The following GRIA2 variants were observed in gnomAD, a reference collection of about 807,000 sequenced individuals.
GRIA2 encodes glutamate receptor 2.
GRIA2 carries 14 observed loss-of-function variants against 97.3 expected under a neutral mutation model. The observed-to-expected ratio is 0.14, with a 90% CI of 0.10 to 0.23. The LOEUF (loss-of-function observed/expected upper bound fraction) is 0.23, where lower values mean the gene tolerates loss of function less well. Among genes scored for constraint, GRIA2 ranks in the 10% least tolerant of loss-of-function variants. The pLI, the probability that GRIA2 is intolerant of heterozygous loss-of-function variation, is 1.00. For missense variants in GRIA2, 558 were observed against 1,069.8 expected (o/e 0.52, Z 6.67); for synonymous variants, 412 against 387.8 (o/e 1.06, Z -0.73).
intron 12 of GRIA2, among the ~76,000 whole-genome samples, chr4:157,350,389 A>G (rs776861324): frequency 6.6e-6 from 1 of 152,024 alleles, no homozygotes; most frequent in Non-Finnish European, 1.5e-5. Flanking sequence ...GATTTGATCT[A>G]CTTATAGAAG....
In GRIA2 at chr4:157,334,002, T is replaced by A; in HGVS notation, c.1156-8T>A. The A allele has an allele frequency of 7.0e-7, 1 of 1,430,208 alleles. No homozygotes were observed. Among genetic ancestry groups the A allele is most frequent in the Non-Finnish European group, 9.9e-7 (1 of 1,012,902 alleles). 88.6% of individuals were successfully genotyped at this position (1,430,208 alleles called of 1,614,324 possible). On this transcript the variant is annotated splice_polypyrimidine_tract_variant and splice_region_variant and intron_variant, in intron 8 of 15. Transcript: ENST00000264426. ...ATCCATACACCTGTCTGCTGTAACCTTTTCCAGATTGGCTACTGGAGTGAA... is the reference window on the plus strand; with the variant it reads ...ATCCATACACCTGTCTGCTGTAACCATTTCCAGATTGGCTACTGGAGTGAA...
Position 157,361,451 on chromosome 4 carries a change from C to A in GRIA2, c.2406+327C>A. 1 of 1,038,500 alleles carries A rather than the reference C, an allele frequency of 9.6e-7. No homozygotes were observed. The highest frequency in any genetic ancestry group is 1.5e-6 in the Non-Finnish European group (1 of 681,894). 64.3% of individuals were successfully genotyped at this position (1,038,500 alleles called of 1,614,324 possible). On this transcript the variant is annotated intron_variant, in intron 14 of 15. Coordinates refer to ENST00000264426, the MANE Select transcript of GRIA2 (RefSeq NM_001083619.3). The surrounding 1 kb of genome is among the most constrained non-coding windows in gnomAD (Gnocchi z 5.2). ...CCAAATGGCGCATCAATGACTATCG[C>A]TCTTACAAAGCTCTTGAATCAGTAT...
At chr4:157,301,876 T>C (rs1283705738) in intron 2 of GRIA2, among the ~76,000 whole-genome samples, 2 of 152,030 alleles carry the variant, frequency 1.3e-5, no homozygotes, top group African/African-American at 2.4e-5. Context: ...TATTTATCTA[T>C]TTAAAGCCAC....
At chr4:157,342,178 A>T in intron 12 of GRIA2, 3 of 951,188 alleles carry the variant, frequency 3.2e-6, no homozygotes, top group Non-Finnish European at 3.8e-6. Context: ...TCTGAAGCCA[A>T]TATATGTGAC....
chr4:157,328,370 T>C (rs1006629098), intron 6 of GRIA2, among the ~76,000 whole-genome samples: 2 of 152,192 alleles, frequency 1.3e-5, no homozygotes, highest in South Asian at 2.1e-4. Flanking sequence ...ACATCTCAAG[T>C]GGTGCCTCTG....
intron 2 of GRIA2, among the ~76,000 whole-genome samples, chr4:157,286,224 T>C (rs1032220574): frequency 6.6e-6 from 1 of 151,552 alleles, no homozygotes; most frequent in African/African-American, 2.4e-5. Context: ...ACAGCTGTTA[T>C]TCCCAGTAAT....
chr4:157,301,117 C>A (rs1189868572), intron 2 of GRIA2, among the ~76,000 whole-genome samples: 1 of 151,934 alleles, frequency 6.6e-6, no homozygotes, highest in African/African-American at 2.4e-5. Context: ...TTAAATAGAC[C>A]CAGAGAGAAT....
In GRIA2 at chr4:157,293,890, T is replaced by C. The variant is rs778130095; in HGVS notation, c.230-9662T>C. ...TCAAGGGTGTGTGAGTCCATTATGC[T>C]AAAGATAATCCCTCCAATTCCTTGG... On this transcript the variant is annotated intron_variant, in intron 2 of 15. Transcript: ENST00000264426. Among the ~76,000 whole-genome samples the C allele has an allele frequency of 4.3e-4, 66 of 152,246 alleles. 1 individual carries two copies. The highest frequency in any genetic ancestry group is 9.4e-4 in the Non-Finnish European group (64 of 68,026).
At chr4:157,261,530 A>G (rs2126768814) in intron 2 of GRIA2, among the ~76,000 whole-genome samples, 1 of 152,288 alleles carries the variant, frequency 6.6e-6, no homozygotes, top group East Asian at 1.9e-4. Flanking sequence ...TCAGAAATTA[A>G]GTAACTTGAC....
chr4:157,334,817 G>T (rs999948369), intron 9 of GRIA2: 2 of 152,082 alleles, frequency 1.3e-5, no homozygotes, highest in African/African-American at 2.4e-5. Context: ...GTTGTAAATT[G>T]GTGTGATTTA....
intron 2 of GRIA2, among the ~76,000 whole-genome samples, chr4:157,288,615 T>G (rs2126830110): frequency 6.6e-6 from 1 of 151,950 alleles, no homozygotes; most frequent in African/African-American, 2.4e-5. Flanking sequence ...ATCTTGTGTA[T>G]ACTTTATATA....
chr4:157,242,473 C>A (rs188235036), intron 2 of GRIA2, among the ~76,000 whole-genome samples: 3 of 152,062 alleles, frequency 2.0e-5, no homozygotes, highest in African/African-American at 7.2e-5. Context: ...GTACAGTTCA[C>A]CAAGTAATAT....
intron 3 of GRIA2, among the ~76,000 whole-genome samples, chr4:157,307,547 C>A (rs935490610): frequency 6.6e-6 from 1 of 152,112 alleles, no homozygotes; most frequent in Admixed American, 6.5e-5. Flanking sequence ...TATCATCACT[C>A]CATAAAGAGA....
chr4:157,321,618 C>G lies in GRIA2; in HGVS notation c.882+19C>G, dbSNP rs370123580. On this transcript the variant is annotated intron_variant, in intron 6 of 15. Coordinates refer to ENST00000264426, the MANE Select transcript of GRIA2 (RefSeq NM_001083619.3). The stretch of plus-strand genomic sequence containing the variant: ...AATTAAGGTTTGCTTTGGTTTCTGT[C>G]TTTTCTTTTTCTTTCATATGTGAGG... 1.3e-6 allele frequency: 2 copies of G among 1,576,684 alleles called. No homozygotes were observed. Among genetic ancestry groups the G allele is most frequent in the Non-Finnish European group, 1.7e-6 (2 of 1,157,294 alleles).
intron 2 of GRIA2, among the ~76,000 whole-genome samples, chr4:157,278,213 T>A (rs896965935): frequency 6.6e-6 from 1 of 151,782 alleles, no homozygotes; most frequent in African/African-American, 2.4e-5. Context: ...CAACTGACTT[T>A]AAGACTACCT....
chr4:157,232,572 T>C (rs1395517115), intron 2 of GRIA2, among the ~76,000 whole-genome samples: 2 of 152,206 alleles, frequency 1.3e-5, no homozygotes, highest in Non-Finnish European at 1.5e-5. Context: ...TATGCTATTA[T>C]TACTAATTTA....
intron 2 of GRIA2, among the ~76,000 whole-genome samples, chr4:157,297,618 C>A (rs1233948565): frequency 6.6e-6 from 1 of 152,000 alleles, no homozygotes; most frequent in East Asian, 1.9e-4. Flanking sequence ...GGATTCAAAC[C>A]CAGTTTGTTC....
At chr4:157,360,276 G>T (rs1203869993) in intron 13 of GRIA2, 133 bp downstream of exon 13, 5 of 793,290 alleles carry the variant, frequency 6.3e-6, no homozygotes, top group South Asian at 2.0e-5. Flanking sequence ...ACCAAAAAAC[G>T]TTTCTGAATG....
chr4:157,304,942 C>T (rs1265968772), intron 3 of GRIA2, among the ~76,000 whole-genome samples: 3 of 152,016 alleles, frequency 2.0e-5, no homozygotes, highest in Non-Finnish European at 4.4e-5. Flanking sequence ...AAAAGCCAGT[C>T]AGCACTATAC....
Sources: gnomAD v4.1 joint callset for allele counts (sites outside exome capture counted in the v4.1 genomes callset) on GRCh38, gnomAD v4.1.1 for gene constraint, Gnocchi (gnomAD v3.1) non-coding constraint, MANE v1.5 for transcripts, NCBI Gene and HGNC (gene_info 2026-07-23, HGNC 2026-07-21) for gene names.